MPP7: variants seen among roughly 807,000 people sequenced by gnomAD.
MPP7 encodes the protein MAGUK p55 scaffold protein 7, also known as MAGUK p55 subfamily member 7.
A neutral mutation model predicts 76.5 loss-of-function variants in MPP7; 60 were observed. The ratio of observed to expected loss-of-function variants is 0.78; its 90% CI spans 0.64 to 0.97. The LOEUF (loss-of-function observed/expected upper bound fraction) is 0.97, where lower values mean the gene tolerates loss of function less well. Among genes scored for constraint, MPP7 ranks in the 50% least tolerant of loss-of-function variants. MPP7 has a pLI of 0.00. For synonymous variants in MPP7, 237 were observed against 244.5 expected (o/e 0.97, Z 0.29); for missense variants, 641 against 694.0 (o/e 0.92, Z 0.86).
At chr10:28,191,984 C>T (rs899021218) in intron 3 of MPP7, among the ~76,000 whole-genome samples, 3 of 151,838 alleles carry the variant, frequency 2.0e-5, no homozygotes, top group Non-Finnish European at 4.4e-5. Flanking sequence ...ATTAGCCAGG[C>T]GTAGTGACGC....
chr10:28,145,862 G>T (rs1276735646), intron 5 of MPP7, among the ~76,000 whole-genome samples: 1 of 151,968 alleles, frequency 6.6e-6, no homozygotes, highest in Non-Finnish European at 1.5e-5. Context: ...TTTATCAAAT[G>T]GCCCTTCTTA....
At chr10:28,160,211 C>T (rs902300670) in intron 3 of MPP7, among the ~76,000 whole-genome samples, 2 of 152,116 alleles carry the variant, frequency 1.3e-5, no homozygotes, top group Non-Finnish European at 2.9e-5. Context: ...TTCACAATCT[C>T]ACAATCCTAC....
chr10:28,239,669 T>A (rs868198201), intron 1 of MPP7, among the ~76,000 whole-genome samples: 1 of 152,188 alleles, frequency 6.6e-6, no homozygotes, highest in Non-Finnish European at 1.5e-5. Context: ...TGGAAAAATA[T>A]TAACTTTTTT....
intron 3 of MPP7, among the ~76,000 whole-genome samples, chr10:28,186,474 A>T (rs1837241238): frequency 6.6e-6 from 1 of 152,248 alleles, no homozygotes; most frequent in African/African-American, 2.4e-5. Context: ...GCCTCCAAGG[A>T]AGTTGTAGAT....
intron 12 of MPP7, among the ~76,000 whole-genome samples, chr10:28,073,115 C>T (rs887993958): frequency 7.9e-5 from 12 of 152,162 alleles, no homozygotes; most frequent in African/African-American, 2.9e-4. Context: ...TCTTAGATCC[C>T]CATGATGGCA....
intron 3 of MPP7, among the ~76,000 whole-genome samples, chr10:28,170,784 C>T (rs767367167): frequency 2.6e-5 from 4 of 152,090 alleles, no homozygotes; most frequent in African/African-American, 4.8e-5. Flanking sequence ...CTGAATCTGT[C>T]GGTTTCTTCC....
At position 28,119,690 on chromosome 10, in the gene MPP7, T is replaced by C. The variant is rs1834769139; in HGVS notation, c.913A>G (p.Ile305Val). ...ERRLALRRPEILVQPLKVSNR... is the reference protein window; with the variant it reads ...ERRLALRRPEVLVQPLKVSNR... ...GAAACTTTCAGGGGCTGAACCAATA[T>C]TTCTGGTCGTCTCAAAGCCAATCTC... The change falls in exon 11 of 17, where the codon ATA becomes GTA. Residue 305 changes from isoleucine (I) to valine (V), a missense_variant. Physicochemically the swap from Ile to Val is conservative, Grantham distance 29. Transcript: ENST00000683449. 1 of 1,613,664 alleles carries C rather than the reference T, an allele frequency of 6.2e-7. No homozygotes were observed. The highest frequency in any genetic ancestry group is 1.1e-5 in the South Asian group (1 of 91,080).
intron 1 of MPP7, among the ~76,000 whole-genome samples, chr10:28,240,559 T>C (rs1380171105): frequency 6.6e-6 from 1 of 152,122 alleles, no homozygotes; most frequent in African/African-American, 2.4e-5. Context: ...ATTTAAAATA[T>C]AAGAATTGTT....
In MPP7 at chr10:28,120,829, T is replaced by C. The variant is rs549767584; in HGVS notation, c.616-161A>G. On this transcript the variant is annotated intron_variant, in intron 8 of 16. Transcript: ENST00000683449. Reference sequence around the variant, plus strand: ...ACTATTTTTGTAGAAATTCCTGTAATGTGAGAAAGAAAGCTCTGAAGTTTG... The same window carrying C: ...ACTATTTTTGTAGAAATTCCTGTAACGTGAGAAAGAAAGCTCTGAAGTTTG... 7.2e-5 allele frequency among the ~76,000 whole-genome samples: 11 copies of C among 152,318 alleles called. No individual in the cohort carries two copies. The South Asian group carries it at 1.2e-3, about 17-fold the overall frequency.
At chr10:28,331,128 G>T (rs59769622) in intron 1 of MPP7, among the ~76,000 whole-genome samples, 14,246 of 152,218 alleles carry the variant, frequency 0.094, 815 homozygotes, top group Non-Finnish European at 0.13. Context: ...CCTAGCTTGG[G>T]ATCTAGCATC....
intron 2 of MPP7, among the ~76,000 whole-genome samples, chr10:28,207,030 G>A (rs1253548292): frequency 2.0e-5 from 3 of 152,064 alleles, no homozygotes; most frequent in Non-Finnish European, 4.4e-5. Flanking sequence ...TGAGAACAAT[G>A]TGCCTTCTCC....
At chr10:28,167,231 A>C (rs1001856125) in intron 3 of MPP7, among the ~76,000 whole-genome samples, 6 of 152,070 alleles carry the variant, frequency 3.9e-5, no homozygotes, top group African/African-American at 1.4e-4. Flanking sequence ...GAATCACTTG[A>C]ACCCAGGAGG....
chr10:28,238,768 A>G (rs1839166106), intron 1 of MPP7, 33 bp from the exon 2 acceptor site: 1 of 637,764 alleles, frequency 1.6e-6, no homozygotes, highest in East Asian at 2.7e-5. Context: ...TATTTTTTAA[A>G]AAGGGACCAT....
At chr10:28,282,864 T>C (rs984198539) in intron 1 of MPP7, among the ~76,000 whole-genome samples, 4 of 151,920 alleles carry the variant, frequency 2.6e-5, no homozygotes, top group African/African-American at 7.3e-5. Context: ...CTGAACTCCA[T>C]ATATGATTAT....
intron 1 of MPP7, among the ~76,000 whole-genome samples, chr10:28,239,065 T>C (rs1011176129): frequency 3.3e-5 from 5 of 152,222 alleles, no homozygotes; most frequent in Non-Finnish European, 5.9e-5. Context: ...TTCCCTGTGT[T>C]ACTATAATTC....
intron 2 of MPP7, among the ~76,000 whole-genome samples, chr10:28,310,852 A>G (rs1841286019): frequency 6.6e-6 from 1 of 152,230 alleles, no homozygotes; most frequent in Admixed American, 6.5e-5. Context: ...TGTGGGGAAT[A>G]TATTTGGTTG....
intron 3 of MPP7, among the ~76,000 whole-genome samples, chr10:28,166,839 T>G (rs1836480925): frequency 6.6e-6 from 1 of 152,210 alleles, no homozygotes; most frequent in South Asian, 2.1e-4. Flanking sequence ...TTCCAACACT[T>G]GCTTTTTTCC....
chr10:28,302,510 C>A (rs1259889789), intron 1 of MPP7, among the ~76,000 whole-genome samples: 1 of 152,196 alleles, frequency 6.6e-6, no homozygotes, highest in Non-Finnish European at 1.5e-5. Context: ...CCCGGGGAGC[C>A]GGACTCTGAC....
At chr10:28,135,261 A>G (rs1835318859) in intron 5 of MPP7, among the ~76,000 whole-genome samples, 2 of 152,168 alleles carry the variant, frequency 1.3e-5, no homozygotes, top group South Asian at 4.1e-4. Context: ...AGCCTATAGA[A>G]GAGGAAAGGG....
Sources: allele counts gnomAD v4.1 joint callset (sites outside exome capture counted in the v4.1 genomes callset), GRCh38; gene constraint gnomAD v4.1.1; transcripts MANE v1.5; gene names NCBI Gene and HGNC (gene_info 2026-07-23, HGNC 2026-07-21).